Variants in PDE3B observed in about 807,000 individuals in gnomAD.
PDE3B encodes cGMP-inhibited 3',5'-cyclic phosphodiesterase 3B.
In PDE3B, 66 loss-of-function variants were observed where a neutral mutation model predicts 116.8. The observed-to-expected ratio is 0.56, with a 90% CI of 0.46 to 0.69. PDE3B has a LOEUF of 0.69. Among genes scored for constraint, PDE3B ranks in the 30% least tolerant of loss-of-function variants. PDE3B has a pLI of 0.00. For synonymous variants in PDE3B, 595 were observed against 533.6 expected (o/e 1.12, Z -1.59); for missense variants, 1,384 against 1,368.1 (o/e 1.01, Z -0.18).
intron 1 of PDE3B, among the ~76,000 whole-genome samples, chr11:14,696,018 A>ATAC (rs1428080607): frequency 6.6e-6 from 1 of 152,180 alleles, no homozygotes; most frequent in African/African-American, 2.4e-5. Flanking sequence ...CTTTGAGTAT[A>ATAC]TACTAAGTAA....
chr11:14,759,257 T>A (rs1419976753), intron 1 of PDE3B, among the ~76,000 whole-genome samples: 1 of 151,908 alleles, frequency 6.6e-6, no homozygotes, highest in Admixed American at 6.6e-5. Flanking sequence ...CTGCCCGGCT[T>A]TGGTATCAGA....
chr11:14,862,737 C>T (rs1260899156), intron 14 of PDE3B, among the ~76,000 whole-genome samples: 1 of 152,070 alleles, frequency 6.6e-6, no homozygotes. Context: ...CCATGCCTGG[C>T]TAATTTTTGT....
chr11:14,855,113 A>G (rs1847824884), intron 12 of PDE3B, among the ~76,000 whole-genome samples: 1 of 152,214 alleles, frequency 6.6e-6, no homozygotes. Context: ...TTGGAAGTAG[A>G]AGTCCAGGTA....
chr11:14,670,730 T>C (rs1164929415), intron 1 of PDE3B, among the ~76,000 whole-genome samples: 1 of 152,160 alleles, frequency 6.6e-6, no homozygotes, highest in South Asian at 2.1e-4. Context: ...CCTAAAAAAT[T>C]TGTGAAAATC....
chr11:14,897,305 G>C, the PDE3B span, among the ~76,000 whole-genome samples: 1 of 152,194 alleles, frequency 6.6e-6, no homozygotes, highest in Non-Finnish European at 1.5e-5. Context: ...ATACCCTGAT[G>C]ATGATGAAGG....
At chr11:14,683,052 C>T (rs1854760405) in intron 1 of PDE3B, among the ~76,000 whole-genome samples, 1 of 152,040 alleles carries the variant, frequency 6.6e-6, no homozygotes, top group South Asian at 2.1e-4. Flanking sequence ...ATTCTCCTGC[C>T]TCAGCCTCCC....
intron 12 of PDE3B, among the ~76,000 whole-genome samples, chr11:14,854,516 G>T (rs1847812414): frequency 6.7e-6 from 1 of 148,320 alleles, no homozygotes; most frequent in African/African-American, 2.5e-5. Context: ...CTGAAATCTA[G>T]AATTTTTTTT....
chr11:14,856,881 G>T (rs1435581965), intron 12 of PDE3B, among the ~76,000 whole-genome samples: 2 of 149,630 alleles, frequency 1.3e-5, no homozygotes, highest in Non-Finnish European at 3.0e-5. Flanking sequence ...TGCCTTCTTA[G>T]TCATGAGATA....
chr11:14,693,854 A>G (rs549095136), intron 1 of PDE3B, among the ~76,000 whole-genome samples: 2 of 152,322 alleles, frequency 1.3e-5, no homozygotes, highest in South Asian at 4.1e-4. Context: ...TTATAAGGCT[A>G]TAGCTGCCAT....
intron 2 of PDE3B, among the ~76,000 whole-genome samples, chr11:14,779,623 G>A (rs1014284747): frequency 7.6e-4 from 115 of 152,270 alleles, no homozygotes; most frequent in African/African-American, 2.6e-3. Context: ...AATGCTGAGA[G>A]ATTTTGTCAC....
At chr11:14,853,773 T>C (rs1847799813) in intron 12 of PDE3B, among the ~76,000 whole-genome samples, 1 of 152,216 alleles carries the variant, frequency 6.6e-6, no homozygotes, top group Admixed American at 6.5e-5. Flanking sequence ...AGGTATATCC[T>C]GGAGGAATGT....
At chr11:14,878,648 C>T in the PDE3B span, among the ~76,000 whole-genome samples, 7 of 152,238 alleles carry the variant, frequency 4.6e-5, no homozygotes, top group African/African-American at 1.7e-4. Flanking sequence ...AGTGTGTATT[C>T]TTCTCCAGTG....
intron 8 of PDE3B, 41 bp from the exon 9 acceptor site, chr11:14,831,599 A>G: frequency 2.3e-6 from 3 of 1,326,174 alleles, no homozygotes; most frequent in Non-Finnish European, 3.1e-6. Flanking sequence ...TACAGTATTT[A>G]TAAAAGATAA....
chr11:14,898,939 C>T, the PDE3B span, among the ~76,000 whole-genome samples: 1 of 152,030 alleles, frequency 6.6e-6, no homozygotes, highest in African/African-American at 2.4e-5. Flanking sequence ...GTAATGATTG[C>T]TTAAGATGTC....
intron 5 of PDE3B, among the ~76,000 whole-genome samples, chr11:14,817,913 G>T (rs1859383670): frequency 1.3e-5 from 2 of 152,118 alleles, no homozygotes; most frequent in Admixed American, 6.5e-5. Flanking sequence ...GTATGTTTTA[G>T]TCATACTGTT....
chr11:14,730,190 T>TC (rs1327411249), intron 1 of PDE3B, among the ~76,000 whole-genome samples: 2 of 152,208 alleles, frequency 1.3e-5, no homozygotes, highest in African/African-American at 4.8e-5. Flanking sequence ...TCTCTGATAC[T>TC]CCCCTCTGCA....
intron 12 of PDE3B, among the ~76,000 whole-genome samples, chr11:14,844,418 G>T (rs190245133): frequency 6.6e-6 from 1 of 152,222 alleles, no homozygotes. Context: ...CGCAGAAGAC[G>T]GGTGATTTCT....
intron 1 of PDE3B, among the ~76,000 whole-genome samples, chr11:14,654,684 C>T (rs1853657959): frequency 6.6e-6 from 1 of 151,940 alleles, no homozygotes; most frequent in Non-Finnish European, 1.5e-5. Context: ...ATAGCATTTA[C>T]ATTGGAAAGA....
intron 12 of PDE3B, among the ~76,000 whole-genome samples, chr11:14,854,668 C>T (rs1847816605): frequency 6.6e-6 from 1 of 152,118 alleles, no homozygotes; most frequent in Non-Finnish European, 1.5e-5. Context: ...AGGGGCATGC[C>T]ACCACGCCCA....
Sources: allele counts gnomAD v4.1 joint callset (sites outside exome capture counted in the v4.1 genomes callset), GRCh38; gene constraint gnomAD v4.1.1; transcripts MANE v1.5; gene names NCBI Gene and HGNC (gene_info 2026-07-23, HGNC 2026-07-21).